Variants in SOBP observed in about 807,000 individuals in gnomAD.
The protein encoded by SOBP is sine oculis-binding protein homolog.
A neutral mutation model predicts 53.6 loss-of-function variants in SOBP; 4 were observed. That is an observed-to-expected ratio of 0.07 (90% CI 0.04 to 0.17). The LOEUF (loss-of-function observed/expected upper bound fraction) is 0.17. SOBP is among the 10% of genes least tolerant of loss of function. SOBP has a pLI of 1.00. For missense variants in SOBP, 1,088 were observed against 1,204.7 expected (o/e 0.90, Z 1.43); for synonymous variants, 584 against 522.6 (o/e 1.12, Z -1.60).
chr6:107,499,636 A>T (rs1180111512), intron 1 of SOBP, among the ~76,000 whole-genome samples: 5 of 152,218 alleles, frequency 3.3e-5, no homozygotes, highest in Non-Finnish European at 5.9e-5. Flanking sequence ...TTCATGAGGT[A>T]TGATCACTGT....
At chr6:107,563,322 A>C (rs1784823920) in intron 4 of SOBP, among the ~76,000 whole-genome samples, 1 of 152,222 alleles carries the variant, frequency 6.6e-6, no homozygotes, top group South Asian at 2.1e-4. Context: ...ATTTCACAAG[A>C]AAAACTTTAT....
chr6:107,634,832 G>C lies in SOBP; in HGVS notation c.1988G>C (p.Arg663Pro). ...GACCTGACCGTGGGCCACCGAGCCC[G>C]GCTGCACAACGTGATCCACCGCGCG... ...VIDLTVGHRA[R>P]LHNVIHRALH... is the part of the protein sequence containing the mutation. The change falls in exon 6 of 7, where the codon CGG (arginine) becomes CCG (proline). Residue 663 changes from arginine to proline, a missense_variant. Physicochemically the swap from Arg to Pro is moderately radical, Grantham distance 103. Coordinates refer to ENST00000317357, the MANE Select transcript of SOBP (RefSeq NM_018013.4). This position sits in a 1 kb window ranked among gnomAD's most constrained non-coding sequence, Gnocchi z 4.5. The C allele has an allele frequency of 8.5e-6, 12 of 1,408,658 alleles. No homozygotes were observed. Among genetic ancestry groups the C allele is most frequent in the Non-Finnish European group, 1.1e-5 (12 of 1,078,146 alleles). 87.3% of individuals were successfully genotyped at this position (1,408,658 alleles called of 1,614,324 possible).
At chr6:107,597,344 G>A (rs1161138325) in intron 5 of SOBP, among the ~76,000 whole-genome samples, 1 of 151,992 alleles carries the variant, frequency 6.6e-6, no homozygotes, top group East Asian at 1.9e-4. Flanking sequence ...TTGGCTTAGG[G>A]AAATATTTAT....
intron 4 of SOBP, among the ~76,000 whole-genome samples, chr6:107,548,258 G>GTTTT (rs60827093): frequency 1.3e-4 from 18 of 142,472 alleles, no homozygotes; most frequent in African/African-American, 4.4e-4. Context: ...TTTTCTTTTT[G>GTTTT]TTTTTTTTTT....
intron 3 of SOBP, 23 bp downstream of exon 3, chr6:107,506,450 A>G: frequency 1.2e-6 from 2 of 1,612,024 alleles, no homozygotes. Context: ...TGGTGTTTTC[A>G]GTGATAACAA....
At chr6:107,577,532 A>G (rs966362063) in intron 4 of SOBP, among the ~76,000 whole-genome samples, 3 of 152,244 alleles carry the variant, frequency 2.0e-5, no homozygotes, top group African/African-American at 7.2e-5. Flanking sequence ...ATCTGCATTT[A>G]TATACCGAAT....
chr6:107,635,820 A>G lies in SOBP; in HGVS notation c.*3+351A>G, dbSNP rs895488027. Reference sequence around the variant, plus strand: ...TCCGTAAATCACCCTATTGGAGAAGAGGAGGATGGGGGGAGGGAGAAGAGA... The same window carrying G: ...TCCGTAAATCACCCTATTGGAGAAGGGGAGGATGGGGGGAGGGAGAAGAGA... On this transcript the variant is annotated intron_variant, in intron 6 of 6. Transcript: ENST00000317357. The surrounding 1 kb of genome is among the most constrained non-coding windows in gnomAD (Gnocchi z 4.5). Among the ~76,000 whole-genome samples, 2 of 152,180 alleles carry G rather than the reference A, an allele frequency of 1.3e-5. No individual in the cohort carries two copies. The highest frequency in any genetic ancestry group is 2.9e-5 in the Non-Finnish European group (2 of 68,026).
In SOBP at chr6:107,634,806, C is replaced by G; in HGVS notation, c.1962C>G (p.Ile654Met). ...GVLQGPQDGV[I>M]DLTVGHRARL... is the part of the protein sequence containing the mutation. ...TGCAGGGCCCGCAGGACGGCGTCAT[C>G]GACCTGACCGTGGGCCACCGAGCCC... The change falls in exon 6 of 7, where the codon ATC becomes ATG. Residue 654 changes from isoleucine to methionine, a missense_variant. Physicochemically the swap from Ile to Met is conservative, Grantham distance 10. This residue lies in a region of SOBP where 665 missense variants were observed against 629.7 expected (regional missense o/e 1.06). Coordinates refer to ENST00000317357, the MANE Select transcript of SOBP (RefSeq NM_018013.4). The surrounding 1 kb of genome is among the most constrained non-coding windows in gnomAD (Gnocchi z 4.5). The G allele has an allele frequency of 7.1e-7, 1 of 1,405,294 alleles. No homozygotes were observed. Among genetic ancestry groups the G allele is most frequent in the Non-Finnish European group, 9.3e-7 (1 of 1,076,736 alleles). 87.1% of individuals were successfully genotyped at this position (1,405,294 alleles called of 1,614,324 possible).
At chr6:107,534,017 T>G (rs1783919799) in intron 4 of SOBP, among the ~76,000 whole-genome samples, 1 of 152,232 alleles carries the variant, frequency 6.6e-6, no homozygotes, top group African/African-American at 2.4e-5. Context: ...TTAATTCTTG[T>G]ACCCAGTGGA....
At chr6:107,525,626 C>T (rs1425474029) in intron 3 of SOBP, among the ~76,000 whole-genome samples, 1 of 152,210 alleles carries the variant, frequency 6.6e-6, no homozygotes, top group Non-Finnish European at 1.5e-5. Flanking sequence ...GGATTCGCAA[C>T]ATTTCTACCT....
chr6:107,578,232 C>T (rs12525270), intron 4 of SOBP, among the ~76,000 whole-genome samples: 38,036 of 150,748 alleles, frequency 0.25, 5,337 homozygotes, highest in South Asian at 0.57. Context: ...TCCCCCACCC[C>T]GCACCCTCCC....
At chr6:107,644,913 A>G (rs971826061) in intron 6 of SOBP, among the ~76,000 whole-genome samples, 1 of 152,250 alleles carries the variant, frequency 6.6e-6, no homozygotes, top group African/African-American at 2.4e-5. Context: ...CAATCCTCCC[A>G]TTAAATAAGA....
chr6:107,632,330 C>A lies in SOBP; in HGVS notation c.670-1184C>A, dbSNP rs201196210. 5.2e-4 allele frequency among the ~76,000 whole-genome samples: 78 copies of A among 150,872 alleles called. 1 individual carries two copies. In the East Asian group the frequency reaches 0.013, roughly 26 times the overall value. The stretch of plus-strand genomic sequence containing the variant: ...TGAGTGCTGAGAAAATGGCCCCCCC[C>A]CAAAAAAAAGGAAAAAAAGAAAAAA... On this transcript the variant is annotated intron_variant, in intron 5 of 6. Transcript: ENST00000317357.
chr6:107,621,434 A>G (rs1296637418), intron 5 of SOBP, among the ~76,000 whole-genome samples: 3 of 152,254 alleles, frequency 2.0e-5, no homozygotes, highest in Non-Finnish European at 4.4e-5. Context: ...TCAGCAGTCC[A>G]CAAACAGGAA....
In SOBP at chr6:107,634,562, C is replaced by T. The variant is rs998554521; in HGVS notation, c.1718C>T (p.Ala573Val). The T allele has an allele frequency of 1.9e-6, 3 of 1,606,626 alleles. No homozygotes were observed. The African/African-American group carries it at 4.0e-5, about 21-fold the overall frequency. ...IPNAPGDSAA[A>V]GGKPSGHSLS... Reference sequence around the variant, plus strand: ...AACGCCCCTGGCGACTCCGCGGCGGCGGGCGGCAAGCCAAGCGGACACTCC... The same window carrying T: ...AACGCCCCTGGCGACTCCGCGGCGGTGGGCGGCAAGCCAAGCGGACACTCC... The change falls in exon 6 of 7, where the codon GCG (alanine) becomes GTG (valine). Residue 573 changes from alanine (A) to valine (V), a missense_variant. Around this residue, in one of 6 missense-constraint regions of SOBP, gnomAD observed 665 missense variants for 629.7 expected, o/e 1.06. Transcript: ENST00000317357. The surrounding 1 kb of genome is among the most constrained non-coding windows in gnomAD (Gnocchi z 4.5).
At position 107,634,190 on chromosome 6, in the gene SOBP, G is replaced by C; in HGVS notation, c.1346G>C (p.Ser449Thr). ...GGPRNLGPTS[S>T]PMHRPMLSPH... ...CCCAGAAACCTGGGCCCCACTTCCA[G>C]CCCCATGCACCGGCCCATGCTATCG... The change falls in exon 6 of 7, where the codon AGC (serine) becomes ACC (threonine). Residue 449 changes from serine (S) to threonine (T), a missense_variant. Physicochemically the swap from Ser to Thr is moderately conservative, Grantham distance 58 (BLOSUM62 1). Coordinates refer to ENST00000317357, the MANE Select transcript of SOBP (RefSeq NM_018013.4). This position sits in a 1 kb window ranked among gnomAD's most constrained non-coding sequence, Gnocchi z 4.5. The C allele has an allele frequency of 6.2e-7, 1 of 1,606,826 alleles. No individual in the cohort carries two copies. The highest frequency in any genetic ancestry group is 8.5e-7 in the Non-Finnish European group (1 of 1,178,532).
chr6:107,652,855 A>AT (rs34926539), intron 6 of SOBP, among the ~76,000 whole-genome samples: 31,196 of 148,586 alleles, frequency 0.21, 3,611 homozygotes, highest in East Asian at 0.39. Flanking sequence ...GATTGTTAGC[A>AT]TTTTTTTTTT....
chr6:107,544,959 A>C (rs920825150), intron 4 of SOBP, among the ~76,000 whole-genome samples: 1 of 152,208 alleles, frequency 6.6e-6, no homozygotes, highest in African/African-American at 2.4e-5. Flanking sequence ...TGCAGCTTGT[A>C]ACTCTTGAAG....
Position 107,490,199 on chromosome 6 carries a change from A to G in SOBP, c.-418A>G, listed in dbSNP as rs1244092552. 3.4e-5 allele frequency: 5 copies of G among 149,074 alleles called. No individual in the cohort carries two copies. The East Asian group carries it at 9.9e-4, about 29-fold the overall frequency. 9.2% of individuals were successfully genotyped at this position (149,074 alleles called of 1,614,324 possible). On this transcript the variant is annotated 5_prime_UTR_variant, in exon 1 of 7. Coordinates refer to ENST00000317357, the MANE Select transcript of SOBP (RefSeq NM_018013.4). ...GCCCTTGCTCCCCGCGCCCATGCGG[A>G]CGGACCGAGCGACGGAAGATGGCTG...
Sources: allele counts gnomAD v4.1 joint callset (sites outside exome capture counted in the v4.1 genomes callset), GRCh38; gene constraint gnomAD v4.1.1; regional missense constraint gnomAD v4.1.1; non-coding constraint Gnocchi (gnomAD v3.1); transcripts MANE v1.5; gene names NCBI Gene and HGNC (gene_info 2026-07-23, HGNC 2026-07-21).